CRTC1: variants seen among roughly 807,000 people sequenced by gnomAD.
The protein encoded by CRTC1 is CREB-regulated transcription coactivator 1.
In CRTC1, 18 loss-of-function variants were observed where a neutral mutation model predicts 66.1. That is an observed-to-expected ratio of 0.27 (90% CI 0.19 to 0.40). The LOEUF is 0.40. CRTC1 is among the 10% of genes least tolerant of loss of function. The pLI is 1.00. For synonymous variants in CRTC1, 416 were observed against 398.8 expected (o/e 1.04, Z -0.51); for missense variants, 669 against 887.9 (o/e 0.75, Z 3.13).
At chr19:18,758,801 C>T (rs138273849) in intron 6 of CRTC1, among the ~76,000 whole-genome samples, 5 of 152,324 alleles carry the variant, frequency 3.3e-5, no homozygotes, top group African/African-American at 9.6e-5. Context: ...TGATTCACTC[C>T]CTGGAGACTG....
At position 18,780,232 on chromosome 19, in the gene CRTC1, G is replaced by T. The variant is rs978450009; in HGVS notation, c.*2850G>T. On this transcript the variant is annotated 3_prime_UTR_variant, in exon 14 of 14. Transcript: ENST00000321949. The stretch of plus-strand genomic sequence containing the variant: ...CTGGGTTAGAGGCTGCTCTCCCCAC[G>T]CACCCATGTGCTCATGGCTTCTGCA... 4.3e-6 allele frequency: 1 copy of T among 231,348 alleles called. No homozygotes were observed. The highest frequency in any genetic ancestry group is 8.6e-6 in the Non-Finnish European group (1 of 116,858). The allele number at this position is 231,348 out of a possible 1,614,324, so 14.3% of individuals were successfully genotyped here.
Position 18,780,001 on chromosome 19 carries a change from T to C in CRTC1, c.*2619T>C, listed in dbSNP as rs550156272. On this transcript the variant is annotated 3_prime_UTR_variant, in exon 14 of 14. Transcript: ENST00000321949. ...TTTTGTGTGTGCGTACGTGTGGTTT[T>C]TTTAAATATCACTACTACATATTCT... 1 of 229,404 alleles carries C rather than the reference T, an allele frequency of 4.4e-6. No individual in the cohort carries two copies. Among genetic ancestry groups the C allele is most frequent in the East Asian group, 6.2e-5 (1 of 16,102 alleles). 14.2% of individuals were successfully genotyped at this position (229,404 alleles called of 1,614,324 possible).
rs750236296 is a variant in CRTC1 at position 18,778,876 on chromosome 19, C to T, written c.*1494C>T. On this transcript the variant is annotated 3_prime_UTR_variant, in exon 14 of 14. Coordinates refer to ENST00000321949, the MANE Select transcript of CRTC1 (RefSeq NM_015321.3). ...AGCCCACACCCCCTCTCTTGGGCAG[C>T]GTGGTCTGCTGGCTGCCCCTTCTTG... 4.2e-4 allele frequency: 97 copies of T among 231,074 alleles called. No individual in the cohort carries two copies. The highest frequency in any genetic ancestry group is 1.6e-3 in the Admixed American group (28 of 17,710). The allele number at this position is 231,074 out of a possible 1,614,324, so 14.3% of individuals were successfully genotyped here.
At chr19:18,694,003 G>C (rs1362347239) in intron 1 of CRTC1, among the ~76,000 whole-genome samples, 4 of 151,942 alleles carry the variant, frequency 2.6e-5, no homozygotes, top group African/African-American at 9.7e-5. Flanking sequence ...ATGGTGGCGG[G>C]CACCTGTAAC....
At chr19:18,765,009 C>T (rs1032684863) in intron 8 of CRTC1, among the ~76,000 whole-genome samples, 11 of 152,250 alleles carry the variant, frequency 7.2e-5, no homozygotes, top group Admixed American at 6.5e-4. Context: ...TCAGCTGGCT[C>T]CTCACCTCGC....
chr19:18,749,141 G>C (rs192741009), intron 4 of CRTC1, among the ~76,000 whole-genome samples: 1 of 152,164 alleles, frequency 6.6e-6, no homozygotes, highest in African/African-American at 2.4e-5. Flanking sequence ...AGGGAAATGC[G>C]GTCCCTGGAG....
intron 2 of CRTC1, among the ~76,000 whole-genome samples, chr19:18,744,689 G>A (rs898236989): frequency 3.3e-5 from 5 of 152,186 alleles, no homozygotes; most frequent in African/African-American, 1.2e-4. Context: ...TGAGGAGCCT[G>A]TGCACTGGAC....
At chr19:18,738,965 G>C (rs1415495009) in intron 1 of CRTC1, among the ~76,000 whole-genome samples, 1 of 152,188 alleles carries the variant, frequency 6.6e-6, no homozygotes, top group East Asian at 1.9e-4. Flanking sequence ...TTTGGGGCTT[G>C]GGCGGCTGGA....
chr19:18,766,553 C>G (rs929835618), intron 9 of CRTC1, among the ~76,000 whole-genome samples: 2 of 152,000 alleles, frequency 1.3e-5, no homozygotes. Flanking sequence ...TCAAGCAATT[C>G]TTGTGCCTCA....
intron 1 of CRTC1, among the ~76,000 whole-genome samples, chr19:18,684,101 C>T (rs978215367): frequency 3.3e-5 from 5 of 151,964 alleles, no homozygotes; most frequent in African/African-American, 1.2e-4. Context: ...TATATCATTA[C>T]TACTAGGAGG....
chr19:18,779,518 G>A lies in CRTC1; in HGVS notation c.*2136G>A, dbSNP rs1402853120. Reference sequence around the variant, plus strand: ...GGAGAGTTTCATTACCATTAGACTTGTATGTAGGACTTAAAAAAAAATGGC... The same window carrying A: ...GGAGAGTTTCATTACCATTAGACTTATATGTAGGACTTAAAAAAAAATGGC... On this transcript the variant is annotated 3_prime_UTR_variant, in exon 14 of 14. Transcript: ENST00000321949. 1 of 212,906 alleles carries A rather than the reference G, an allele frequency of 4.7e-6. No homozygotes were observed. Among genetic ancestry groups the A allele is most frequent in the Non-Finnish European group, 9.4e-6 (1 of 106,758 alleles). The allele number at this position is 212,906 out of a possible 1,614,324, so 13.2% of individuals were successfully genotyped here.
In CRTC1 at chr19:18,711,499, G is replaced by GA. The variant is rs1276454133; in HGVS notation, c.126+27680dup. On this transcript the variant is annotated intron_variant, in intron 1 of 13. Coordinates refer to ENST00000321949, the MANE Select transcript of CRTC1 (RefSeq NM_015321.3). ...TTCTGATGTTTAAGTTAACTTAAAAGAAAAAAAAAGTAAAAGTTGGCCACC... is the reference window on the plus strand; with the variant it reads ...TTCTGATGTTTAAGTTAACTTAAAAGAAAAAAAAAAGTAAAAGTTGGCCACC... 3.3e-5 allele frequency among the ~76,000 whole-genome samples: 5 copies of GA among 151,344 alleles called. No homozygotes were observed. The East Asian group carries it at 5.8e-4, about 18-fold the overall frequency.
At chr19:18,718,167 C>T (rs7252631) in intron 1 of CRTC1, among the ~76,000 whole-genome samples, 5,726 of 152,158 alleles carry the variant, frequency 0.038, 377 homozygotes, top group African/African-American at 0.13. Flanking sequence ...CCTCTCCTCC[C>T]CAGCCCCTGG....
In CRTC1 at chr19:18,749,777, C is replaced by T. The variant is rs1188646002; in HGVS notation, c.444-4C>T. 1 of 1,613,674 alleles carries T rather than the reference C, an allele frequency of 6.2e-7. No homozygotes were observed. The highest frequency in any genetic ancestry group is 8.5e-7 in the Non-Finnish European group (1 of 1,179,626). ...CTCATTGTCTCTTCCTCCCTCCCCA[C>T]CAGGACCAATTCTGACTCCGCCCTG... On this transcript the variant is annotated splice_region_variant and splice_polypyrimidine_tract_variant and intron_variant, in intron 4 of 13. Transcript: ENST00000321949.
At chr19:18,764,476 C>G (rs2054685038) in intron 8 of CRTC1, among the ~76,000 whole-genome samples, 1 of 152,282 alleles carries the variant, frequency 6.6e-6, no homozygotes, top group Non-Finnish European at 1.5e-5. Flanking sequence ...CCCACAATAA[C>G]CCAGCCAGCC....
chr19:18,777,250 C>T lies in CRTC1; in HGVS notation c.1773C>T (p.Ser591=), dbSNP rs762008701. The part of the protein sequence containing the change: ...LAGVGDVSFD[S]DSQFPLDELK... ...GGGTCGGCGACGTCAGCTTCGACTCCGACAGCCAGTTTCCCCTGGACGAAC... is the reference window on the plus strand; with the variant it reads ...GGGTCGGCGACGTCAGCTTCGACTCTGACAGCCAGTTTCCCCTGGACGAAC... The change falls in exon 14 of 14, where the codon TCC becomes TCT. Residue 591 remains serine, a synonymous_variant. Transcript: ENST00000321949. This position sits in a 1 kb window ranked among gnomAD's most constrained non-coding sequence, Gnocchi z 5.5. 1.3e-5 allele frequency: 21 copies of T among 1,612,000 alleles called. No individual in the cohort carries two copies. Among genetic ancestry groups the T allele is most frequent in the African/African-American group, 6.7e-5 (5 of 74,840 alleles).
intron 1 of CRTC1, among the ~76,000 whole-genome samples, chr19:18,719,587 G>A (rs1397306498): frequency 3.3e-5 from 5 of 152,234 alleles, no homozygotes; most frequent in African/African-American, 9.6e-5. Context: ...TGTCTTAGCC[G>A]TCCTGGGGGG....
Position 18,711,288 on chromosome 19 carries a change from A to G in CRTC1, c.126+27460A>G, listed in dbSNP as rs550051239. ...GCTCAGCCCACACAGCTGCTGACCC[A>G]GAGTGAGGGGCAGTGGGACGCGTTG... On this transcript the variant is annotated intron_variant, in intron 1 of 13. Coordinates refer to ENST00000321949, the MANE Select transcript of CRTC1 (RefSeq NM_015321.3). Among the ~76,000 whole-genome samples, 223 of 152,110 alleles carry G rather than the reference A, an allele frequency of 1.5e-3. 1 individual carries two copies. Among genetic ancestry groups the G allele is most frequent in the Non-Finnish European group, 2.3e-3 (153 of 67,964 alleles).
chr19:18,742,936 G>T lies in CRTC1; in HGVS notation c.153G>T (p.Leu51=), dbSNP rs760998829. 4 of 1,613,828 alleles carry T rather than the reference G, an allele frequency of 2.5e-6. No individual in the cohort carries two copies. The South Asian group carries it at 4.4e-5, about 18-fold the overall frequency. ...ARLQLQKSQY[L]QLGPSRGQYY... ...TCCAGCTCCAGAAATCCCAGTACCT[G>T]CAACTGGGCCCCAGCCGAGGCCAGT... Residue 51 remains leucine, a synonymous_variant, in exon 2 of 14, where the codon CTG becomes CTT. Coordinates refer to ENST00000321949, the MANE Select transcript of CRTC1 (RefSeq NM_015321.3).
Sources: gnomAD v4.1 joint callset for allele counts (sites outside exome capture counted in the v4.1 genomes callset) on GRCh38, gnomAD v4.1.1 for gene constraint, Gnocchi (gnomAD v3.1) non-coding constraint, MANE v1.5 for transcripts, NCBI Gene and HGNC (gene_info 2026-07-23, HGNC 2026-07-21) for gene names.